The following CDH8 variants were observed in gnomAD, a reference collection of about 807,000 sequenced individuals.
CDH8 encodes cadherin-8.
Under a neutral mutation model 68.1 loss-of-function variants are expected in CDH8, and 17 were observed. The observed-to-expected ratio is 0.25, with a 90% CI of 0.17 to 0.37. CDH8 has a LOEUF of 0.37. Among genes scored for constraint, CDH8 ranks in the 10% least tolerant of loss-of-function variants. CDH8 has a pLI of 1.00. For synonymous variants in CDH8, 372 were observed against 365.1 expected (o/e 1.02, Z -0.21); for missense variants, 763 against 999.3 (o/e 0.76, Z 3.19).
At position 61,654,005 on chromosome 16, in the gene CDH8, T is replaced by C; in HGVS notation, c.2003A>G (p.Asp668Gly). 3 of 1,614,154 alleles carry C rather than the reference T, an allele frequency of 1.9e-6. No individual in the cohort carries two copies. The highest frequency in any genetic ancestry group is 2.5e-6 in the Non-Finnish European group (3 of 1,180,008). The change falls in exon 12 of 12, where the codon GAT becomes GGT. Residue 668 changes from aspartate to glycine, a missense_variant. Asp to Gly is a moderately conservative substitution (Grantham distance 94). Transcript: ENST00000577390. ...EDVRENIIRY[D>G]DEGGGEEDTE... ...GTCCTCCTCCCCTCCTCCTTCATCA[T>C]CGTAGCGAATGATGTTTTCTCGAAC...
rs151173123 is a variant in CDH8, at chr16:61,838,520, G to T, written c.668-13341C>A. 5.5e-3 allele frequency among the ~76,000 whole-genome samples: 843 copies of T among 152,192 alleles called. 7 individuals are homozygous for T. Among genetic ancestry groups the T allele is most frequent in the African/African-American group, 0.02 (811 of 41,552 alleles). On this transcript the variant is annotated intron_variant, in intron 4 of 11. Transcript: ENST00000577390. ...GATACCCACTGTTGATAAAAGACTG[G>T]TTCCCTCAAACTCTTCGTTGCTCAT...
intron 8 of CDH8, among the ~76,000 whole-genome samples, chr16:61,782,458 A>G (rs866592768): frequency 1.4e-3 from 210 of 152,106 alleles, no homozygotes; most frequent in Middle Eastern, 6.8e-3. Flanking sequence ...AGTCTCGCTG[A>G]TTGCTAGCAC....
chr16:61,806,720 A>G (rs1961791387), intron 7 of CDH8, among the ~76,000 whole-genome samples: 2 of 30,438 alleles, frequency 6.6e-5, no homozygotes, highest in Non-Finnish European at 5.8e-5. Flanking sequence ...CACATGAAAA[A>G]ATGCTCATCA....
At chr16:61,661,227 A>G (rs1379258011) in intron 10 of CDH8, among the ~76,000 whole-genome samples, 1 of 152,048 alleles carries the variant, frequency 6.6e-6, no homozygotes, top group African/African-American at 2.4e-5. Context: ...GGTAGAAGGT[A>G]GAAGACTTGA....
At chr16:62,020,508 A>G (rs1367207697) in intron 2 of CDH8, among the ~76,000 whole-genome samples, 2 of 151,848 alleles carry the variant, frequency 1.3e-5, no homozygotes, top group African/African-American at 2.4e-5. Context: ...GCACACACAC[A>G]CACACACACA....
At chr16:61,772,448 A>C (rs1960800754) in intron 8 of CDH8, among the ~76,000 whole-genome samples, 1 of 152,082 alleles carries the variant, frequency 6.6e-6, no homozygotes, top group South Asian at 2.1e-4. Flanking sequence ...TGGTATTTTT[A>C]TTAGATGAAA....
chr16:61,915,335 T>C (rs1191386129), intron 2 of CDH8, among the ~76,000 whole-genome samples: 1 of 152,216 alleles, frequency 6.6e-6, no homozygotes, highest in Non-Finnish European at 1.5e-5. Context: ...TTATATTCAT[T>C]GTCTATTATT....
rs66743095 is a variant in CDH8, at chr16:61,953,895, TTATATATATATATATA to T, written c.253-52438_253-52423del. 1.0e-4 allele frequency among the ~76,000 whole-genome samples: 12 copies of T among 118,878 alleles called. 1 individual carries two copies. The highest frequency in any genetic ancestry group is 3.4e-4 in the African/African-American group (9 of 26,560). 78.0% of individuals were successfully genotyped at this position (118,878 alleles called of 152,430 possible). On this transcript the variant is annotated intron_variant, in intron 2 of 11. Transcript: ENST00000577390. Reference sequence around the variant, plus strand: ...CTGTCTCAAAAAGAAAAAAAAAACTTTATATATATATATATATATATATATATATATAAAATACCTT... The same window carrying T: ...CTGTCTCAAAAAGAAAAAAAAAACTTTATATATATATATATAAAATACCTT...
At chr16:62,017,098 G>T (rs1260995952) in intron 2 of CDH8, among the ~76,000 whole-genome samples, 1 of 152,058 alleles carries the variant, frequency 6.6e-6, no homozygotes, top group East Asian at 1.9e-4. Context: ...CCATTATGTA[G>T]GTAAATTATT....
At chr16:62,035,111 G>GT (rs140223128) in intron 1 of CDH8, 6,051 of 152,396 alleles carry the variant, frequency 0.04, 234 homozygotes, top group East Asian at 0.12. Flanking sequence ...GCGGCAGCAC[G>GT]TTTTTTTACC....
intron 2 of CDH8, among the ~76,000 whole-genome samples, chr16:62,019,009 TTC>T (rs1277151306): frequency 6.6e-6 from 1 of 152,202 alleles, no homozygotes; most frequent in African/African-American, 2.4e-5. Flanking sequence ...AAATGAATTG[TTC>T]TCCCAGGCAT....
chr16:62,021,215 C>T lies in CDH8; in HGVS notation c.189G>A (p.Trp63Ter). The change falls in exon 2 of 12, where the codon TGG (tryptophan) becomes TGA (stop). Residue 63 changes from tryptophan to a stop codon, truncating the protein, a stop_gained. Coordinates refer to ENST00000577390, the MANE Select transcript of CDH8 (RefSeq NM_001796.5). LOFTEE classifies it high-confidence loss of function. ...QRILNRSKRG[W>*]VWNQMFVLEE... Reference sequence around the variant, plus strand: ...CCAGGACAAACATTTGATTCCAAACCCAGCCTCTTTTGGAGCGGTTCAAAA... The same window carrying T: ...CCAGGACAAACATTTGATTCCAAACTCAGCCTCTTTTGGAGCGGTTCAAAA... The T allele has an allele frequency of 6.2e-7, 1 of 1,614,024 alleles. No individual in the cohort carries two copies. Among genetic ancestry groups the T allele is most frequent in the Non-Finnish European group, 8.5e-7 (1 of 1,179,952 alleles).
rs74868190 is a variant in CDH8, at chr16:61,902,576, C to CAA, written c.253-1105_253-1104dup. 2.2e-3 allele frequency among the ~76,000 whole-genome samples: 209 copies of CAA among 93,050 alleles called. 2 individuals carry two copies. Among genetic ancestry groups the CAA allele is most frequent in the Middle Eastern group, 5.6e-3 (1 of 178 alleles). 61.0% of individuals were successfully genotyped at this position (93,050 alleles called of 152,430 possible). A position where few individuals can be genotyped will look rare whatever the true frequency, so the allele number is the denominator to read the frequency against. On this transcript the variant is annotated intron_variant, in intron 2 of 11. Coordinates refer to ENST00000577390, the MANE Select transcript of CDH8 (RefSeq NM_001796.5). ...CAGTTGAGATTTCAAATATTTGTTC[C>CAA]AAAAAAAAAAAAAAAAAACCGCCTT...
In CDH8 at chr16:61,960,200, T is replaced by TACATATATACATGTGTGTGTGTATACAC. The variant is rs1567546089; in HGVS notation, c.253-58755_253-58728dup. Among the ~76,000 whole-genome samples, 9 of 68,344 alleles carry TACATATATACATGTGTGTGTGTATACAC rather than the reference T, an allele frequency of 1.3e-4. 3 individuals are homozygous for TACATATATACATGTGTGTGTGTATACAC. The South Asian group carries it at 1.6e-3, about 12-fold the overall frequency. The allele number at this position is 68,344 out of a possible 152,430, so 44.8% of individuals were successfully genotyped here. A position where few individuals can be genotyped will look rare whatever the true frequency, so the allele number is the denominator to read the frequency against. On this transcript the variant is annotated intron_variant, in intron 2 of 11. Coordinates refer to ENST00000577390, the MANE Select transcript of CDH8 (RefSeq NM_001796.5). ...ATATACATATGTGTGTGTATACACA[T>TACATATATACATGTGTGTGTGTATACAC]ACATATATACATGTGTGTGTGTATA...
chr16:61,726,788 G>T, intron 9 of CDH8: 1 of 388,478 alleles, frequency 2.6e-6, no homozygotes, highest in Non-Finnish European at 4.6e-6. Flanking sequence ...TAAAAATTCA[G>T]CCCCCGTCAC....
intron 10 of CDH8, among the ~76,000 whole-genome samples, chr16:61,674,471 A>C (rs951784283): frequency 7.4e-6 from 1 of 134,262 alleles, no homozygotes; most frequent in African/African-American, 3.3e-5. Flanking sequence ...AAAAAAAAAA[A>C]CCCTCACACT....
intron 2 of CDH8, among the ~76,000 whole-genome samples, chr16:61,967,954 G>A (rs922767093): frequency 3.3e-5 from 5 of 152,162 alleles, no homozygotes; most frequent in East Asian, 1.9e-4. Flanking sequence ...GATTACAGGC[G>A]CCCGCCACCA....
At chr16:61,992,820 G>A (rs1468089118) in intron 2 of CDH8, among the ~76,000 whole-genome samples, 1 of 152,072 alleles carries the variant, frequency 6.6e-6, no homozygotes, top group Admixed American at 6.6e-5. Context: ...ACAGGGTCCT[G>A]CTCAGTTGTC....
chr16:61,841,734 G>A (rs1457030303), intron 4 of CDH8, among the ~76,000 whole-genome samples: 2 of 151,990 alleles, frequency 1.3e-5, no homozygotes, highest in South Asian at 2.1e-4. Context: ...TCCATGATGT[G>A]CTTATTTTAC....
Sources: gnomAD v4.1 joint callset for allele counts (sites outside exome capture counted in the v4.1 genomes callset) on GRCh38, gnomAD v4.1.1 for gene constraint, MANE v1.5 for transcripts, NCBI Gene and HGNC (gene_info 2026-07-23, HGNC 2026-07-21) for gene names.